The following EPHA3 variants were observed in gnomAD, a reference collection of about 807,000 sequenced individuals.
EPHA3 encodes the protein EPH receptor A3, also known as ephrin type-A receptor 3.
EPHA3 carries 42 observed loss-of-function variants against 107.1 expected under a neutral mutation model. The observed-to-expected ratio is 0.39, with a 90% confidence interval of 0.31 to 0.51. The LOEUF is 0.51. Among genes scored for constraint, EPHA3 ranks in the 20% least tolerant of loss-of-function variants. EPHA3 has a pLI of 0.78. For synonymous variants in EPHA3, 461 were observed against 424.8 expected, an observed-to-expected ratio of 1.09 and a Z score of -1.05; for missense variants, 1,183 against 1,211.2, an observed-to-expected ratio of 0.98 and a Z score of 0.35.
chr3:89,389,229 C>A (rs1708679460), intron 5 of EPHA3, among the ~76,000 whole-genome samples: 1 of 152,098 alleles, frequency 6.6e-6, no homozygotes, highest in Non-Finnish European at 1.5e-5. Context: ...AATGATTATG[C>A]TAAATCAAAC....
intron 3 of EPHA3, among the ~76,000 whole-genome samples, chr3:89,219,166 ATT>A (rs879882393): frequency 7.7e-5 from 11 of 143,302 alleles, no homozygotes; most frequent in African/African-American, 2.0e-4. Context: ...TCACAACAAC[ATT>A]TTTTTTTTTT....
chr3:89,248,831 T>G (rs1705097884), intron 3 of EPHA3, among the ~76,000 whole-genome samples: 1 of 152,242 alleles, frequency 6.6e-6, no homozygotes, highest in South Asian at 2.1e-4. Flanking sequence ...CATAAATTCA[T>G]GTTCTTTAAA....
intron 3 of EPHA3, among the ~76,000 whole-genome samples, chr3:89,281,167 G>C (rs1247261368): frequency 6.6e-6 from 1 of 152,076 alleles, no homozygotes; most frequent in African/African-American, 2.4e-5. Context: ...GGGACTACAG[G>C]CCCACGCCGC....
chr3:89,125,548 G>A (rs1177003886), intron 1 of EPHA3, among the ~76,000 whole-genome samples: 2 of 151,454 alleles, frequency 1.3e-5, no homozygotes, highest in Non-Finnish European at 3.0e-5. Flanking sequence ...GATATCCTGG[G>A]AAATAATTCA....
chr3:89,122,471 T>G (rs1707413137), intron 1 of EPHA3, among the ~76,000 whole-genome samples: 1 of 152,230 alleles, frequency 6.6e-6, no homozygotes, highest in African/African-American at 2.4e-5. Context: ...CTCAGTTTCA[T>G]AAAATGCAAC....
intron 3 of EPHA3, among the ~76,000 whole-genome samples, chr3:89,328,023 G>A (rs149303450): frequency 0.032 from 4,864 of 151,860 alleles, 93 homozygotes; most frequent in Non-Finnish European, 0.046. Context: ...ACTTAAACCC[G>A]GGAGGCAGAG....
chr3:89,450,991 A>G (rs1482146665), intron 15 of EPHA3, among the ~76,000 whole-genome samples: 1 of 151,744 alleles, frequency 6.6e-6, no homozygotes, highest in African/African-American at 2.4e-5. Context: ...CAAAATAAAG[A>G]AAAAGAAATT....
intron 9 of EPHA3, among the ~76,000 whole-genome samples, chr3:89,410,005 A>G (rs1011053358): frequency 6.6e-6 from 1 of 152,012 alleles, no homozygotes; most frequent in African/African-American, 2.4e-5. Flanking sequence ...GACAGAGCCC[A>G]GTTACTCTGT....
chr3:89,333,792 A>G (rs1362853148), intron 3 of EPHA3, among the ~76,000 whole-genome samples: 1 of 152,068 alleles, frequency 6.6e-6, no homozygotes, highest in Non-Finnish European at 1.5e-5. Flanking sequence ...GAACTGCTTG[A>G]ACCAAGGAGG....
Position 89,439,765 on chromosome 3 carries a change from G to T in EPHA3, c.2346+8406G>T, listed in dbSNP as rs541940769. ...CACACACACACACACATATATATATGTATGTATGTATATAGACTTACTCCC... is the reference window on the plus strand; with the variant it reads ...CACACACACACACACATATATATATTTATGTATGTATATAGACTTACTCCC... On this transcript the variant is annotated intron_variant, in intron 13 of 16. Transcript: ENST00000336596. Among the ~76,000 whole-genome samples the T allele has an allele frequency of 9.4e-5, 14 of 148,910 alleles. No homozygotes were observed. In the South Asian group the frequency reaches 2.8e-3, roughly 29 times the overall value.
chr3:89,134,869 A>G (rs1157627435), intron 2 of EPHA3, among the ~76,000 whole-genome samples: 1 of 152,202 alleles, frequency 6.6e-6, no homozygotes, highest in East Asian at 1.9e-4. Flanking sequence ...TTTTTGTCTA[A>G]CATCATTTCC....
At chr3:89,477,388 C>T (rs922997548) in intron 16 of EPHA3, among the ~76,000 whole-genome samples, 10 of 152,168 alleles carry the variant, frequency 6.6e-5, no homozygotes, top group African/African-American at 2.4e-4. Flanking sequence ...CATCAGGAAC[C>T]TTCTCAGCCC....
rs536124802 is a variant in EPHA3 at position 89,174,567 on chromosome 3, C to T, written c.154-35293C>T. ...AGATTGATTGCAGAGAGTATATTTA[C>T]CCTATATTCTAGCAAGTTCATCATT... is the stretch of plus-strand genomic sequence containing the variant. On this transcript the variant is annotated intron_variant, in intron 2 of 16. Transcript: ENST00000336596. 8.7e-5 allele frequency among the ~76,000 whole-genome samples: 13 copies of T among 150,188 alleles called. No individual in the cohort carries two copies. In the South Asian group the frequency reaches 2.8e-3, roughly 32 times the overall value.
intron 2 of EPHA3, among the ~76,000 whole-genome samples, chr3:89,208,550 GAAAGAAAGAAAGATAA>G (rs1259951712): frequency 7.2e-6 from 1 of 139,612 alleles, no homozygotes; most frequent in Admixed American, 7.4e-5. Context: ...AAAAGAAAGA[GAAAGAAAGAAAGATAA>G]AAAGAAAGAG....
chr3:89,427,741 G>C (rs944263809), intron 11 of EPHA3, among the ~76,000 whole-genome samples: 8 of 151,638 alleles, frequency 5.3e-5, no homozygotes, highest in Admixed American at 5.3e-4. Flanking sequence ...ATGTTTTCTG[G>C]GTAGGAATCA....
At chr3:89,477,194 A>T (rs1014772061) in intron 16 of EPHA3, among the ~76,000 whole-genome samples, 19 of 152,184 alleles carry the variant, frequency 1.2e-4, no homozygotes, top group Non-Finnish European at 2.6e-4. Flanking sequence ...AGTAGCATAC[A>T]TTACTCCAAG....
chr3:89,194,892 T>A (rs377541926), intron 2 of EPHA3, among the ~76,000 whole-genome samples: 2 of 152,218 alleles, frequency 1.3e-5, no homozygotes, highest in South Asian at 4.1e-4. Context: ...CTTTTTGATG[T>A]GGGAACATTT....
Position 89,210,150 on chromosome 3 carries a change from T to C in EPHA3, c.444T>C (p.Ala148=), listed in dbSNP as rs1706236649. 1 of 1,613,890 alleles carries C rather than the reference T, an allele frequency of 6.2e-7. No individual in the cohort carries two copies. Among genetic ancestry groups the C allele is most frequent in the African/African-American group, 1.3e-5 (1 of 74,914 alleles). ...HQFTKIDTIA[A]DESFTQMDLG... is the part of the protein sequence containing the mutation. The stretch of plus-strand genomic sequence containing the variant: ...TTACAAAGATTGACACCATTGCAGC[T>C]GATGAAAGTTTCACTCAAATGGATC... Residue 148 remains alanine, a synonymous_variant, in exon 3 of 17, where the codon GCT becomes GCC. Coordinates refer to ENST00000336596, the MANE Select transcript of EPHA3 (RefSeq NM_005233.6).
chr3:89,447,254 T>G (rs1559699611), intron 13 of EPHA3, among the ~76,000 whole-genome samples: 3 of 152,176 alleles, frequency 2.0e-5, no homozygotes, highest in Non-Finnish European at 4.4e-5. Context: ...TTGTTTTACT[T>G]CATCAGTAGA....
Sources: allele counts gnomAD v4.1 joint callset (sites outside exome capture counted in the v4.1 genomes callset), GRCh38; gene constraint gnomAD v4.1.1; transcripts MANE v1.5; gene names NCBI Gene and HGNC (gene_info 2026-07-23, HGNC 2026-07-21).